Variants in GARNL3 observed in about 807,000 individuals in gnomAD.
GARNL3 encodes GTPase activating Rap/RanGAP domain like 3.
Under a neutral mutation model 125.0 loss-of-function variants are expected in GARNL3, and 63 were observed. That is an observed-to-expected ratio of 0.50 (90% CI 0.41 to 0.62). The LOEUF (loss-of-function observed/expected upper bound fraction) is 0.62, where lower values mean the gene tolerates loss of function less well. Ranked by LOEUF, GARNL3 falls within the 20% of genes least tolerant of loss-of-function variation. The probability of loss-of-function intolerance (pLI) is 0.00; values close to 1 mark genes in which losing one functional copy is unlikely to be tolerated. For missense variants in GARNL3, 994 were observed against 1,244.0 expected (o/e 0.80, Z 3.02); for synonymous variants, 439 against 457.5 (o/e 0.96, Z 0.52).
intron 13 of GARNL3, among the ~76,000 whole-genome samples, chr9:127,340,183 C>T (rs116288314): frequency 0.012 from 1,804 of 152,208 alleles, 47 homozygotes; most frequent in African/African-American, 0.042. Context: ...TGTATATGTG[C>T]ACCCATGCAC....
intron 1 of GARNL3, among the ~76,000 whole-genome samples, chr9:127,271,772 C>T (rs2063829330): frequency 6.7e-6 from 1 of 150,218 alleles, no homozygotes; most frequent in South Asian, 2.1e-4. Context: ...GCTGCTGACT[C>T]TCATAAAACC....
At chr9:127,354,445 GT>G (rs374579226) in intron 19 of GARNL3, 35 bp downstream of exon 19, 6,894 of 1,032,700 alleles carry the variant, frequency 6.7e-3, no homozygotes, top group South Asian at 9.6e-3. Flanking sequence ...CATTCGATTC[GT>G]TTTTTTTTTT....
intron 1 of GARNL3, among the ~76,000 whole-genome samples, chr9:127,226,490 C>T (rs2062916082): frequency 6.6e-6 from 1 of 152,166 alleles, no homozygotes; most frequent in African/African-American, 2.4e-5. Context: ...CAGGCCTGGC[C>T]CATGGGACAT....
At chr9:127,317,870 G>A (rs1197383657) in intron 4 of GARNL3, among the ~76,000 whole-genome samples, 193 bp from the exon 5 acceptor site, 1 of 152,186 alleles carries the variant, frequency 6.6e-6, no homozygotes, top group Non-Finnish European at 1.5e-5. Context: ...ATGTTGGGGT[G>A]GAGAGATCCT....
chr9:127,225,327 G>C (rs1391428515), intron 1 of GARNL3: 2 of 984,328 alleles, frequency 2.0e-6, no homozygotes, highest in Non-Finnish European at 2.4e-6. Flanking sequence ...ACCGGAGCCC[G>C]GCGGGGTGGC....
intron 11 of GARNL3, among the ~76,000 whole-genome samples, chr9:127,336,661 T>A (rs1829570008): frequency 6.6e-6 from 1 of 152,260 alleles, no homozygotes; most frequent in Non-Finnish European, 1.5e-5. Flanking sequence ...TGTATTACCA[T>A]CTCTTGAAAT....
intron 13 of GARNL3, among the ~76,000 whole-genome samples, chr9:127,340,075 G>T (rs1238620338): frequency 6.6e-6 from 1 of 152,124 alleles, no homozygotes; most frequent in African/African-American, 2.4e-5. Context: ...ATCTGTATCT[G>T]TCAGAGAGTG....
chr9:127,369,549 G>A (rs1000793484), intron 22 of GARNL3, among the ~76,000 whole-genome samples: 15 of 152,236 alleles, frequency 9.9e-5, no homozygotes, highest in Admixed American at 7.2e-4. Context: ...GAAGGAGGGC[G>A]TCCCCACCTG....
intron 14 of GARNL3, among the ~76,000 whole-genome samples, chr9:127,342,892 CTTTTTTTT>C (rs59554997): frequency 3.7e-5 from 3 of 81,604 alleles, no homozygotes; most frequent in Admixed American, 1.5e-4. Context: ...GTGCTCTTTT[CTTTTTTTT>C]TTTTTTTTTT....
chr9:127,320,391 A>C (rs1310120453), intron 5 of GARNL3, among the ~76,000 whole-genome samples: 1 of 152,360 alleles, frequency 6.6e-6, no homozygotes, highest in East Asian at 1.9e-4. Flanking sequence ...CTTTTGCCCT[A>C]TGTGGCATAG....
At chr9:127,306,938 T>C (rs535539703) in intron 2 of GARNL3, among the ~76,000 whole-genome samples, 3 of 152,130 alleles carry the variant, frequency 2.0e-5, no homozygotes, top group Non-Finnish European at 4.4e-5. Context: ...ATAATGAATC[T>C]AGCAGCAGGC....
chr9:127,296,249 C>T (rs2064586844), intron 2 of GARNL3, among the ~76,000 whole-genome samples: 1 of 152,050 alleles, frequency 6.6e-6, no homozygotes, highest in Admixed American at 6.5e-5. Context: ...GGCTATGGAC[C>T]AATACCAGGG....
chr9:127,376,020 C>T (rs918927210), intron 22 of GARNL3, among the ~76,000 whole-genome samples: 4 of 152,128 alleles, frequency 2.6e-5, no homozygotes, highest in Admixed American at 2.0e-4. Flanking sequence ...AGTATAGTGG[C>T]GTGATCTTGG....
At position 127,280,804 on chromosome 9, in the gene GARNL3, C is replaced by G. The variant is rs555923395; in HGVS notation, c.145-10364C>G. Among the ~76,000 whole-genome samples the G allele has an allele frequency of 3.3e-5, 5 of 152,266 alleles. No homozygotes were observed. In the South Asian group the frequency reaches 8.3e-4, roughly 25 times the overall value. ...TGGAAAGCTACATGACAGTGCTTAT[C>G]CTGAATTGCCTCATGTTTCTCAGTA... On this transcript the variant is annotated intron_variant, in intron 1 of 27. Transcript: ENST00000373387. The surrounding 1 kb of genome is among the most constrained non-coding windows in gnomAD (Gnocchi z 4.5).
At chr9:127,345,529 G>T in intron 16 of GARNL3, 52 bp downstream of exon 16, 1 of 1,145,322 alleles carries the variant, frequency 8.7e-7, no homozygotes, top group South Asian at 1.4e-5. Context: ...TTTCCTTAAT[G>T]AAAATGATTG....
rs1280141967 is a variant in GARNL3, at chr9:127,325,100, G to A, written c.594+5G>A. The A allele has an allele frequency of 6.2e-7, 1 of 1,612,802 alleles. No homozygotes were observed. The highest frequency in any genetic ancestry group is 8.5e-7 in the Non-Finnish European group (1 of 1,178,974). On this transcript the variant is annotated splice_donor_5th_base_variant and intron_variant, in intron 7 of 27. Coordinates refer to ENST00000373387, the MANE Select transcript of GARNL3 (RefSeq NM_032293.5). ...CTGGTTCTTGAAGAACAAGAGGTGA[G>A]TAATTCTATGGAGATATTTGCACCT...
rs764371382 is a variant in GARNL3, at chr9:127,384,988, A to G, written c.2270-39A>G. ...AGTCACAGCCCCTTCGCGGCCACCA[A>G]GCCAGCAGCTGGGAGGTGACACTCC... is the stretch of plus-strand genomic sequence containing the variant. On this transcript the variant is annotated intron_variant, in intron 23 of 27. Transcript: ENST00000373387. The surrounding 1 kb of genome is among the most constrained non-coding windows in gnomAD (Gnocchi z 4.0). 4.4e-6 allele frequency: 6 copies of G among 1,360,124 alleles called. No individual in the cohort carries two copies. In the African/African-American group the frequency reaches 5.8e-5, roughly 13 times the overall value. The allele number at this position is 1,360,124 out of a possible 1,614,324, so 84.3% of individuals were successfully genotyped here.
Position 127,333,877 on chromosome 9 carries a change from A to G in GARNL3, c.769+756A>G, listed in dbSNP as rs1430357634. The stretch of plus-strand genomic sequence containing the variant: ...TCTCTGTCATTAAGGGGTTTCAAGT[A>G]GGGGAGTGGTGAGATTAGATCTGTA... On this transcript the variant is annotated intron_variant, in intron 9 of 27. Transcript: ENST00000373387. Among the ~76,000 whole-genome samples the G allele has an allele frequency of 6.6e-5, 10 of 152,118 alleles. No homozygotes were observed. In the East Asian group the frequency reaches 1.9e-3, roughly 29 times the overall value.
intron 4 of GARNL3, among the ~76,000 whole-genome samples, chr9:127,315,899 A>G (rs934943396): frequency 6.6e-6 from 1 of 152,236 alleles, no homozygotes; most frequent in Non-Finnish European, 1.5e-5. Flanking sequence ...ACACCTGCAC[A>G]CACACACCTG....
Sources: gnomAD v4.1 joint callset for allele counts (sites outside exome capture counted in the v4.1 genomes callset) on GRCh38, gnomAD v4.1.1 for gene constraint, Gnocchi (gnomAD v3.1) non-coding constraint, MANE v1.5 for transcripts, NCBI Gene and HGNC (gene_info 2026-07-23, HGNC 2026-07-21) for gene names.